The following NME7 variants were observed in gnomAD, a reference collection of about 807,000 sequenced individuals.
NME7 encodes nucleoside diphosphate kinase 7.
In NME7, 41 loss-of-function variants were observed where a neutral mutation model predicts 49.1. The observed-to-expected ratio is 0.83, with a 90% CI of 0.65 to 1.08. NME7 has a LOEUF of 1.08. Ranked by LOEUF, NME7 falls within the 50% of genes least tolerant of loss-of-function variation. The probability of loss-of-function intolerance (pLI) is 0.00; values close to 1 mark genes in which losing one functional copy is unlikely to be tolerated. For missense variants in NME7, 423 were observed against 463.4 expected, an observed-to-expected ratio of 0.91 and a Z score of 0.80; for synonymous variants, 139 against 150.6, an observed-to-expected ratio of 0.92 and a Z score of 0.56.
chr1:169,183,667 T>C (rs1458841434), intron 10 of NME7, among the ~76,000 whole-genome samples: 1 of 128,316 alleles, frequency 7.8e-6, no homozygotes, highest in Admixed American at 9.9e-5. Context: ...CCGGGCATGG[T>C]GGCAGGCGCC....
intron 7 of NME7, among the ~76,000 whole-genome samples, chr1:169,260,582 G>GAA (rs771309761): frequency 8.9e-6 from 1 of 112,900 alleles, no homozygotes; most frequent in Admixed American, 8.8e-5. Context: ...TTGGGTAGAA[G>GAA]AAAAAAAAAA....
intron 1 of NME7, among the ~76,000 whole-genome samples, 197 bp from the exon 2 acceptor site, chr1:169,324,697 T>C (rs1009278653): frequency 7.2e-5 from 11 of 152,220 alleles, no homozygotes; most frequent in African/African-American, 2.7e-4. Flanking sequence ...TCTCACTAAA[T>C]ACCCTTAGAT....
At chr1:169,279,731 T>C (rs1021913375) in intron 7 of NME7, among the ~76,000 whole-genome samples, 1 of 152,236 alleles carries the variant, frequency 6.6e-6, no homozygotes, top group East Asian at 1.9e-4. Context: ...CCTAGTGAGA[T>C]GAACCCGGTA....
At position 169,261,058 on chromosome 1, in the gene NME7, T is replaced by A. The variant is rs1344179788; in HGVS notation, c.755-23371A>T. Among the ~76,000 whole-genome samples, 2 of 132,406 alleles carry A rather than the reference T, an allele frequency of 1.5e-5. 1 individual carries two copies. The highest frequency in any genetic ancestry group is 1.5e-4 in the Admixed American group (2 of 13,506). The allele number at this position is 132,406 out of a possible 152,430, so 86.9% of individuals were successfully genotyped here. ...TTCCCTGAATCACCGTGACTCTGAA[T>A]CTTAAAATAGAAAAAAAAAAGTGAA... On this transcript the variant is annotated intron_variant, in intron 7 of 11. Coordinates refer to ENST00000367811, the MANE Select transcript of NME7 (RefSeq NM_013330.5).
chr1:169,364,045 C>G (rs1475329809), intron 1 of NME7, among the ~76,000 whole-genome samples: 1 of 152,232 alleles, frequency 6.6e-6, no homozygotes, highest in African/African-American at 2.4e-5. Context: ...GACAACTTTT[C>G]TGACTCTGAC....
At chr1:169,206,020 A>G (rs534314130) in intron 10 of NME7, among the ~76,000 whole-genome samples, 2 of 152,178 alleles carry the variant, frequency 1.3e-5, no homozygotes, top group African/African-American at 2.4e-5. Context: ...TCTGTATCCA[A>G]TGTTAACTTT....
chr1:169,232,565 G>T lies in NME7; in HGVS notation c.889-1746C>A, dbSNP rs200223276. Among the ~76,000 whole-genome samples, 14 of 151,522 alleles carry T rather than the reference G, an allele frequency of 9.2e-5. No individual in the cohort carries two copies. The South Asian group carries it at 1.7e-3, about 18-fold the overall frequency. On this transcript the variant is annotated intron_variant, in intron 9 of 11. Coordinates refer to ENST00000367811, the MANE Select transcript of NME7 (RefSeq NM_013330.5). ...TAAGCAGCCAGGGTGTTGGGGGGGG[G>T]GCAGGGGAAAGAACATTATATAACA...
intron 10 of NME7, among the ~76,000 whole-genome samples, chr1:169,200,011 T>C (rs1252284633): frequency 6.6e-6 from 1 of 151,978 alleles, no homozygotes; most frequent in East Asian, 1.9e-4. Context: ...TTATTTTTCA[T>C]CTCAGTCAAC....
intron 3 of NME7, among the ~76,000 whole-genome samples, chr1:169,315,293 C>T (rs1239497231): frequency 2.1e-5 from 3 of 145,536 alleles, no homozygotes; most frequent in Middle Eastern, 3.5e-3. Context: ...GAGATGGAGT[C>T]TCGCTGTGTC....
intron 7 of NME7, chr1:169,285,940 T>A (rs907692807): frequency 1.3e-5 from 2 of 152,184 alleles, no homozygotes; most frequent in Non-Finnish European, 2.9e-5. Flanking sequence ...ATTAGAGATA[T>A]CATCAAATAT....
In NME7 at chr1:169,169,461, C is replaced by T. The variant is rs964968871; in HGVS notation, c.1084G>A (p.Asp362Asn). The T allele has an allele frequency of 6.2e-7, 1 of 1,613,504 alleles. No individual in the cohort carries two copies. Among genetic ancestry groups the T allele is most frequent in the Non-Finnish European group, 8.5e-7 (1 of 1,179,626 alleles). The change falls in exon 11 of 12, where the codon GAT (aspartate) becomes AAT (asparagine). Residue 362 changes from aspartate to asparagine, a missense_variant. Coordinates refer to ENST00000367811, the MANE Select transcript of NME7 (RefSeq NM_013330.5). ...CTTTATCTTACCTCTAATAGGCCAT[C>T]CTCTGGCAGATCAGTACAGTGAACA... is the stretch of plus-strand genomic sequence containing the variant. ...NAVHCTDLPE[D>N]GLLEVQYFFK... is the part of the protein sequence containing the mutation.
intron 10 of NME7, among the ~76,000 whole-genome samples, chr1:169,219,919 T>C (rs1247691718): frequency 1.3e-5 from 2 of 152,224 alleles, no homozygotes; most frequent in African/African-American, 4.8e-5. Context: ...ATATACCTTA[T>C]ATGATGAAGA....
chr1:169,151,602 A>G (rs565056022), intron 11 of NME7, among the ~76,000 whole-genome samples: 2 of 152,242 alleles, frequency 1.3e-5, no homozygotes, highest in Non-Finnish European at 2.9e-5. Context: ...AGCCCCCTGA[A>G]GCCTGTGATG....
intron 7 of NME7, among the ~76,000 whole-genome samples, chr1:169,248,308 T>G (rs1209214789): frequency 6.6e-6 from 1 of 152,108 alleles, no homozygotes; most frequent in East Asian, 1.9e-4. Context: ...TCATGTTATT[T>G]GCCCACATTT....
chr1:169,232,476 TAA>T (rs1362458252), intron 9 of NME7, among the ~76,000 whole-genome samples: 1 of 147,508 alleles, frequency 6.8e-6, no homozygotes, highest in Admixed American at 6.8e-5. Flanking sequence ...ATAATAAATG[TAA>T]AGAGAAGTAC....
intron 7 of NME7, among the ~76,000 whole-genome samples, chr1:169,246,719 C>T (rs902769923): frequency 9.9e-5 from 15 of 152,216 alleles, no homozygotes; most frequent in African/African-American, 3.6e-4. Context: ...GCTAGGACTA[C>T]AGGCATGTGC....
intron 10 of NME7, among the ~76,000 whole-genome samples, chr1:169,224,731 G>A (rs1647247187): frequency 6.6e-6 from 1 of 151,884 alleles, no homozygotes; most frequent in African/African-American, 2.4e-5. Context: ...CCATTCATTT[G>A]TTCCACCATC....
At chr1:169,339,170 TC>T (rs1223346269) in intron 1 of NME7, among the ~76,000 whole-genome samples, 1 of 151,842 alleles carries the variant, frequency 6.6e-6, no homozygotes, top group Non-Finnish European at 1.5e-5. Flanking sequence ...TTCAAAAAAC[TC>T]CCCCCCAAAC....
chr1:169,182,405 T>C (rs1288358882), intron 10 of NME7, among the ~76,000 whole-genome samples: 1 of 152,160 alleles, frequency 6.6e-6, no homozygotes, highest in African/African-American at 2.4e-5. Context: ...CCTCTCGTCA[T>C]AAATGGCACC....
Sources: gnomAD v4.1 joint callset for allele counts (sites outside exome capture counted in the v4.1 genomes callset) on GRCh38, gnomAD v4.1.1 for gene constraint, MANE v1.5 for transcripts, NCBI Gene and HGNC (gene_info 2026-07-23, HGNC 2026-07-21) for gene names.